TEX9: variants seen among roughly 807,000 people sequenced by gnomAD.
The protein encoded by TEX9 is testis expressed 9.
In TEX9, 74 loss-of-function variants were observed where a neutral mutation model predicts 59.6. The observed-to-expected ratio is 1.24, with a 90% CI of 1.03 to 1.51. The LOEUF is 1.51. Ranked by LOEUF, TEX9 falls within the 40% of genes most tolerant of loss-of-function variation. TEX9 has a pLI of 0.00. For missense variants in TEX9, 522 were observed against 447.8 expected (o/e 1.17, Z -1.49); for synonymous variants, 186 against 152.2 (o/e 1.22, Z -1.64).
chr15:56,324,033 G>A (rs1596089845), intron 1 of TEX9, among the ~76,000 whole-genome samples: 3 of 152,216 alleles, frequency 2.0e-5, no homozygotes, highest in African/African-American at 7.2e-5. Context: ...GTACAGTATG[G>A]GGGTCGTAAA....
At chr15:56,434,195 G>C in intron 12 of TEX9, 1 of 1,613,894 alleles carries the variant, frequency 6.2e-7, no homozygotes, top group Non-Finnish European at 8.5e-7. Flanking sequence ...CAGCCCTCCT[G>C]TGTTCCAGCT....
intron 10 of TEX9, among the ~76,000 whole-genome samples, chr15:56,417,137 T>C (rs2049730510): frequency 6.6e-6 from 1 of 151,834 alleles, no homozygotes; most frequent in Non-Finnish European, 1.5e-5. Context: ...ATTAATTTTT[T>C]CAAAAAACCA....
chr15:56,431,276 G>T (rs189698916), intron 12 of TEX9: 549 of 1,425,180 alleles, frequency 3.9e-4, no homozygotes, highest in Admixed American at 1.1e-3. Flanking sequence ...AACCGAGCAA[G>T]AAGTGAGCAA....
intron 12 of TEX9, among the ~76,000 whole-genome samples, 147 bp downstream of exon 12, chr15:56,430,301 G>A (rs1193926275): frequency 3.3e-5 from 5 of 152,168 alleles, no homozygotes; most frequent in African/African-American, 7.2e-5. Context: ...CAACTTTCCA[G>A]GCTCAAGCAA....
At chr15:56,270,157 T>G (rs2044493191) in intron 1 of TEX9, among the ~76,000 whole-genome samples, 1 of 152,186 alleles carries the variant, frequency 6.6e-6, no homozygotes, top group South Asian at 2.1e-4. Flanking sequence ...AGATGCCTAT[T>G]AGGTCTGCTT....
chr15:56,414,960 T>C (rs1339795332), intron 10 of TEX9, among the ~76,000 whole-genome samples: 1 of 151,868 alleles, frequency 6.6e-6, no homozygotes, highest in Non-Finnish European at 1.5e-5. Context: ...TATTTAATTG[T>C]GGTTTTGATG....
At chr15:56,415,589 G>C (rs2140177165) in intron 10 of TEX9, among the ~76,000 whole-genome samples, 1 of 151,718 alleles carries the variant, frequency 6.6e-6, no homozygotes, top group East Asian at 1.9e-4. Flanking sequence ...TGGTCTATGT[G>C]CCTGTTTTTG....
At chr15:56,291,965 G>C (rs1031725753) in intron 1 of TEX9, among the ~76,000 whole-genome samples, 4 of 152,218 alleles carry the variant, frequency 2.6e-5, no homozygotes, top group African/African-American at 9.6e-5. Flanking sequence ...ACCCACAGCT[G>C]TTAGCTTGCT....
chr15:56,281,896 A>T (rs1170997784), intron 1 of TEX9, among the ~76,000 whole-genome samples: 1 of 152,170 alleles, frequency 6.6e-6, no homozygotes, highest in Non-Finnish European at 1.5e-5. Flanking sequence ...ATATTGGTTG[A>T]TGCTAATCAA....
chr15:56,378,338 A>C (rs555688476), intron 3 of TEX9, among the ~76,000 whole-genome samples: 1 of 152,068 alleles, frequency 6.6e-6, no homozygotes, highest in South Asian at 2.1e-4. Context: ...CAGTGCAGCC[A>C]TCAGGTCCTG....
At chr15:56,446,736 C>T (rs1567152157), downstream of TEX9, 2 of 748,758 alleles carry the variant, frequency 2.7e-6, no homozygotes, top group Non-Finnish European at 4.2e-6. Flanking sequence ...TTTAAGAAAT[C>T]TAGCAGTGTA....
upstream of TEX9, among the ~76,000 whole-genome samples, chr15:56,363,817 A>C (rs1451927604): frequency 1.3e-5 from 2 of 150,390 alleles, no homozygotes; most frequent in East Asian, 3.9e-4. Context: ...GGCATGTACC[A>C]CTGGACCCAG....
At chr15:56,263,384 C>A (rs115065517) in intron 1 of TEX9, among the ~76,000 whole-genome samples, 1 of 152,086 alleles carries the variant, frequency 6.6e-6, no homozygotes, top group East Asian at 1.9e-4. Context: ...GTGCTTAGTC[C>A]GTTCATACTT....
chr15:56,321,327 T>C (rs1210228325), intron 1 of TEX9, among the ~76,000 whole-genome samples: 2 of 152,164 alleles, frequency 1.3e-5, no homozygotes, highest in Admixed American at 6.6e-5. Context: ...AAGAAGCAAC[T>C]GGTTCCTGAG....
chr15:56,317,369 G>A (rs2045800648), intron 1 of TEX9, among the ~76,000 whole-genome samples: 1 of 152,188 alleles, frequency 6.6e-6, no homozygotes, highest in Non-Finnish European at 1.5e-5. Context: ...TGTAAGGTAG[G>A]CAGATATCTG....
At chr15:56,317,729 A>C (rs2045809770) in intron 1 of TEX9, among the ~76,000 whole-genome samples, 1 of 152,082 alleles carries the variant, frequency 6.6e-6, no homozygotes, top group African/African-American at 2.4e-5. Context: ...ATTAATCTCA[A>C]GGTATTTCCT....
upstream of TEX9, chr15:56,365,384 C>A: frequency 6.4e-7 from 1 of 1,573,402 alleles, no homozygotes; most frequent in South Asian, 1.2e-5. Context: ...CGGGAGGCAA[C>A]CGGGATGTGG....
At chr15:56,448,784 C>T (rs1483130577), downstream of TEX9, among the ~76,000 whole-genome samples, 1 of 136,982 alleles carries the variant, frequency 7.3e-6, no homozygotes, top group Non-Finnish European at 1.5e-5. Context: ...GACGGAGTCT[C>T]GCTCTGTCAT....
At chr15:56,247,311 A>G (rs1421118519) in intron 1 of TEX9, among the ~76,000 whole-genome samples, 2 of 152,232 alleles carry the variant, frequency 1.3e-5, no homozygotes, top group African/African-American at 2.4e-5. Context: ...GTAGAGCAAC[A>G]TATTAACATA....
Sources: gnomAD v4.1 joint callset for allele counts (sites outside exome capture counted in the v4.1 genomes callset) on GRCh38, gnomAD v4.1.1 for gene constraint, MANE v1.5 for transcripts, NCBI Gene and HGNC (gene_info 2026-07-23, HGNC 2026-07-21) for gene names.